Variants in LINGO2 observed in about 807,000 individuals in gnomAD.
The protein encoded by LINGO2 is leucine rich repeat and Ig domain containing 2.
Under a neutral mutation model 30.6 loss-of-function variants are expected in LINGO2, and 14 were observed. That is an observed-to-expected ratio of 0.46 (90% CI 0.30 to 0.72). The LOEUF is 0.72. Among genes scored for constraint, LINGO2 ranks in the 30% least tolerant of loss-of-function variants. The pLI, the probability that LINGO2 is intolerant of heterozygous loss-of-function variation, is 0.07. For synonymous variants in LINGO2, 317 were observed against 288.5 expected (o/e 1.10, Z -1.00); for missense variants, 729 against 751.7 (o/e 0.97, Z 0.35).
chr9:28,848,355 C>T, the LINGO2 span, among the ~76,000 whole-genome samples: 20 of 88,820 alleles, frequency 2.3e-4, no homozygotes, highest in Non-Finnish European at 1.5e-4. Context: ...TATATATATA[C>T]ACATATATTG....
rs1403122063 is a variant in LINGO2, at chr9:28,206,143, T to G, written c.-87+89065A>C. On this transcript the variant is annotated intron_variant, in intron 4 of 5. Coordinates refer to ENST00000379992, the Ensembl canonical transcript of LINGO2. ...TCATGCCACTGCATTCCAGCCTGAG[T>G]GACAGAGTGAGACCCTGTTTCAAAA... Among the ~76,000 whole-genome samples the G allele has an allele frequency of 5.0e-5, 6 of 120,062 alleles. No homozygotes were observed. In the East Asian group the frequency reaches 1.4e-3, roughly 27 times the overall value. 78.8% of individuals were successfully genotyped at this position (120,062 alleles called of 152,430 possible).
chr9:28,398,558 T>C (rs1822142387), intron 2 of LINGO2, among the ~76,000 whole-genome samples: 1 of 151,928 alleles, frequency 6.6e-6, no homozygotes, highest in Non-Finnish European at 1.5e-5. Flanking sequence ...TTAAGCAATA[T>C]AGGTAAAGAG....
chr9:28,437,839 C>CA (rs1173849060), intron 2 of LINGO2, among the ~76,000 whole-genome samples: 2 of 151,894 alleles, frequency 1.3e-5, no homozygotes, highest in African/African-American at 4.8e-5. Flanking sequence ...CAATGTAGCA[C>CA]AAAAAAAATT....
intron 4 of LINGO2, among the ~76,000 whole-genome samples, chr9:28,107,507 T>A (rs1324946443): frequency 1.3e-5 from 2 of 152,156 alleles, no homozygotes; most frequent in East Asian, 1.9e-4. Flanking sequence ...CCTCTAAAAA[T>A]CTATGACTCT....
chr9:28,448,123 C>A (rs1161468582), intron 2 of LINGO2, among the ~76,000 whole-genome samples: 6 of 151,700 alleles, frequency 4.0e-5, no homozygotes, highest in Non-Finnish European at 7.4e-5. Flanking sequence ...TTTCTACTGG[C>A]AAAACTGATT....
At chr9:28,426,851 C>G (rs1823435627) in intron 2 of LINGO2, among the ~76,000 whole-genome samples, 1 of 152,104 alleles carries the variant, frequency 6.6e-6, no homozygotes, top group Non-Finnish European at 1.5e-5. Flanking sequence ...CCAAACTCCC[C>G]TTTAACAATC....
chr9:28,555,539 T>A (rs1017020498), intron 1 of LINGO2, among the ~76,000 whole-genome samples: 4 of 151,986 alleles, frequency 2.6e-5, no homozygotes, highest in African/African-American at 9.7e-5. Context: ...CAGGACCAGA[T>A]GGATTCACAG....
At chr9:28,673,667 G>C (rs528141084), upstream of LINGO2, among the ~76,000 whole-genome samples, 7 of 147,172 alleles carry the variant, frequency 4.8e-5, no homozygotes, top group South Asian at 2.2e-4. Flanking sequence ...ACTCTGTCTC[G>C]ATCATCATCA....
chr9:28,339,636 G>C (rs1360990873), intron 3 of LINGO2, among the ~76,000 whole-genome samples: 1 of 152,084 alleles, frequency 6.6e-6, no homozygotes, highest in East Asian at 1.9e-4. Context: ...TCTATCGACT[G>C]AGAAAATACT....
At chr9:29,128,777 CTTTG>C in the LINGO2 span, among the ~76,000 whole-genome samples, 6 of 152,080 alleles carry the variant, frequency 3.9e-5, no homozygotes, top group South Asian at 4.2e-4. Flanking sequence ...GCTATTGGAT[CTTTG>C]TTTGTGTGTG....
the LINGO2 span, among the ~76,000 whole-genome samples, chr9:28,848,386 T>TATATATATATATATACATATATATATA: frequency 5.1e-5 from 3 of 59,330 alleles, no homozygotes; most frequent in African/African-American, 1.4e-4. Flanking sequence ...TGTGTGTGTG[T>TATATATATATATATACATATATATATA]GTGTGTGTGT....
intron 2 of LINGO2, among the ~76,000 whole-genome samples, chr9:28,475,672 C>T (rs1825703809): frequency 6.6e-6 from 1 of 152,090 alleles, no homozygotes; most frequent in Non-Finnish European, 1.5e-5. Context: ...CAATAATCTC[C>T]ATTTTAAAAT....
intron 4 of LINGO2, among the ~76,000 whole-genome samples, chr9:28,229,318 G>A (rs994839966): frequency 3.3e-5 from 5 of 151,582 alleles, no homozygotes; most frequent in Admixed American, 1.3e-4. Flanking sequence ...AATACCTTGG[G>A]CTGTGACAAT....
intron 4 of LINGO2, among the ~76,000 whole-genome samples, chr9:28,063,139 C>G (rs564424756): frequency 6.6e-6 from 1 of 152,232 alleles, no homozygotes; most frequent in East Asian, 1.9e-4. Flanking sequence ...CTGGAACAAT[C>G]CAGACATTGC....
At chr9:28,165,220 T>C (rs915779596) in intron 4 of LINGO2, among the ~76,000 whole-genome samples, 16 of 152,224 alleles carry the variant, frequency 1.1e-4, no homozygotes, top group African/African-American at 3.6e-4. Context: ...TTAAAGAACA[T>C]TGTTTTTAAT....
At chr9:28,783,763 T>C in the LINGO2 span, among the ~76,000 whole-genome samples, 1 of 152,340 alleles carries the variant, frequency 6.6e-6, no homozygotes, top group South Asian at 2.1e-4. Flanking sequence ...CAGGCTGCTA[T>C]AACAGAGTGC....
At chr9:29,145,108 T>C in the LINGO2 span, among the ~76,000 whole-genome samples, 2 of 152,216 alleles carry the variant, frequency 1.3e-5, no homozygotes, top group African/African-American at 4.8e-5. Flanking sequence ...TATTTCTAGA[T>C]AATTTACATG....
intron 2 of LINGO2, among the ~76,000 whole-genome samples, chr9:28,469,036 G>A (rs796876316): frequency 5.3e-5 from 8 of 152,050 alleles, no homozygotes; most frequent in African/African-American, 1.9e-4. Flanking sequence ...AAGAGCAAAA[G>A]AAGAATGTGG....
chr9:28,261,005 A>G (rs559224456), intron 4 of LINGO2, among the ~76,000 whole-genome samples: 3 of 152,120 alleles, frequency 2.0e-5, no homozygotes, highest in African/African-American at 7.2e-5. Context: ...ATAAGATACA[A>G]GTAGGATACA....
Sources: gnomAD v4.1 joint callset for allele counts (sites outside exome capture counted in the v4.1 genomes callset) on GRCh38, gnomAD v4.1.1 for gene constraint, MANE v1.5 for transcripts, NCBI Gene and HGNC (gene_info 2026-07-23, HGNC 2026-07-21) for gene names.